The following CNTNAP2 variants were observed in gnomAD, a reference collection of about 807,000 sequenced individuals.
CNTNAP2 encodes the protein contactin-associated protein-like 2.
A neutral mutation model predicts 155.2 loss-of-function variants in CNTNAP2; 98 were observed. That is an observed-to-expected ratio of 0.63 (90% CI 0.54 to 0.75). The LOEUF is 0.75. Ranked by LOEUF, CNTNAP2 falls within the 30% of genes least tolerant of loss-of-function variation. The probability of loss-of-function intolerance (pLI) is 0.00; values close to 1 mark genes in which losing one functional copy is unlikely to be tolerated. For missense variants in CNTNAP2, 1,727 were observed against 1,688.1 expected, an observed-to-expected ratio of 1.02 and a Z score of -0.40; for synonymous variants, 651 against 631.2, an observed-to-expected ratio of 1.03 and a Z score of -0.47.
At chr7:146,191,382 C>T (rs944709927) in intron 1 of CNTNAP2, among the ~76,000 whole-genome samples, 14 of 152,094 alleles carry the variant, frequency 9.2e-5, no homozygotes, top group African/African-American at 3.4e-4. Flanking sequence ...TAAAATATCA[C>T]AAGGCAAATG....
intron 18 of CNTNAP2, among the ~76,000 whole-genome samples, chr7:148,202,779 G>A (rs547824451): frequency 2.0e-5 from 3 of 152,276 alleles, no homozygotes; most frequent in South Asian, 4.1e-4. Flanking sequence ...TACACACATC[G>A]TGTGTGCATG....
At chr7:147,049,702 G>T (rs1799436663) in intron 4 of CNTNAP2, among the ~76,000 whole-genome samples, 1 of 152,130 alleles carries the variant, frequency 6.6e-6, no homozygotes. Flanking sequence ...GTGTACCTGG[G>T]ATCTATCTTA....
At chr7:146,937,151 G>A (rs1270586464) in intron 3 of CNTNAP2, among the ~76,000 whole-genome samples, 1 of 151,880 alleles carries the variant, frequency 6.6e-6, no homozygotes, top group Non-Finnish European at 1.5e-5. Flanking sequence ...ACTTTGGGAG[G>A]CCAAGGCAGG....
intron 12 of CNTNAP2, among the ~76,000 whole-genome samples, chr7:147,566,449 G>A (rs1241040132): frequency 7.2e-5 from 11 of 151,952 alleles, no homozygotes; most frequent in Non-Finnish European, 1.5e-4. Context: ...TTCTCACACT[G>A]CTATGAAGAA....
intron 1 of CNTNAP2, among the ~76,000 whole-genome samples, chr7:146,587,444 G>T (rs1285407001): frequency 1.3e-5 from 2 of 152,122 alleles, no homozygotes; most frequent in African/African-American, 2.4e-5. Context: ...TAAAGACTAG[G>T]TGTAGGGCTG....
intron 15 of CNTNAP2, among the ~76,000 whole-genome samples, chr7:148,051,528 G>A (rs907264313): frequency 6.6e-6 from 1 of 151,882 alleles, no homozygotes; most frequent in African/African-American, 2.4e-5. Context: ...TGCAAGAATA[G>A]GCAGAAGGAT....
At chr7:147,172,951 A>G (rs143871651) in intron 8 of CNTNAP2, among the ~76,000 whole-genome samples, 1 of 152,282 alleles carries the variant, frequency 6.6e-6, no homozygotes, top group African/African-American at 2.4e-5. Context: ...TCACAGAAAG[A>G]CAAATCAAGA....
intron 13 of CNTNAP2, among the ~76,000 whole-genome samples, chr7:147,862,547 G>A (rs903858332): frequency 6.6e-6 from 1 of 152,056 alleles, no homozygotes; most frequent in Non-Finnish European, 1.5e-5. Context: ...TAGGGTTGAG[G>A]TTCTTCAGCT....
rs189589154 is a variant in CNTNAP2 at position 146,570,498 on chromosome 7, G to A, written c.98-203773G>A. ...TGTACTAAGGACAAAATGAATATTA[G>A]GCCTTAGACATTTTTATGTGACATC... On this transcript the variant is annotated intron_variant, in intron 1 of 23. Coordinates refer to ENST00000361727, the MANE Select transcript of CNTNAP2 (RefSeq NM_014141.6). Among the ~76,000 whole-genome samples, 97 of 152,152 alleles carry A rather than the reference G, an allele frequency of 6.4e-4. 1 individual carries two copies. In the East Asian group the frequency reaches 0.017, roughly 27 times the overall value.
At chr7:147,586,717 G>A (rs1243699815) in intron 12 of CNTNAP2, among the ~76,000 whole-genome samples, 1 of 152,102 alleles carries the variant, frequency 6.6e-6, no homozygotes, top group East Asian at 1.9e-4. Flanking sequence ...GTTGTTCCTT[G>A]CACAAGGGCA....
rs543301309 is a variant in CNTNAP2 at position 146,970,753 on chromosome 7, C to G, written c.403-73154C>G. ...TGTAAATCATGCTGCTATAAAAACA[C>G]ATGCACACGTATGTTTATTGCGGCA... On this transcript the variant is annotated intron_variant, in intron 3 of 23. Transcript: ENST00000361727. Among the ~76,000 whole-genome samples the G allele has an allele frequency of 4.6e-5, 7 of 152,270 alleles. No homozygotes were observed. In the East Asian group the frequency reaches 1.4e-3, roughly 29 times the overall value.
chr7:146,177,769 T>C (rs1798490751), intron 1 of CNTNAP2, among the ~76,000 whole-genome samples: 1 of 152,198 alleles, frequency 6.6e-6, no homozygotes, highest in South Asian at 2.1e-4. Context: ...CTTCCCTCTT[T>C]TGTTATTTAC....
At chr7:146,353,648 TA>T (rs1794954850) in intron 1 of CNTNAP2, among the ~76,000 whole-genome samples, 1 of 152,160 alleles carries the variant, frequency 6.6e-6, no homozygotes, top group South Asian at 2.1e-4. Flanking sequence ...GAAATCCTCT[TA>T]AATAAGAACT....
intron 1 of CNTNAP2, among the ~76,000 whole-genome samples, chr7:146,254,295 A>G (rs182362894): frequency 5.3e-5 from 8 of 152,308 alleles, no homozygotes; most frequent in South Asian, 2.1e-4. Context: ...CAATCCATCA[A>G]TAAGGATAGC....
At chr7:147,934,890 A>C (rs1327522395) in intron 14 of CNTNAP2, among the ~76,000 whole-genome samples, 2 of 152,228 alleles carry the variant, frequency 1.3e-5, no homozygotes, top group African/African-American at 4.8e-5. Context: ...CAGATTTTTA[A>C]CTTATCCAGT....
intron 9 of CNTNAP2, among the ~76,000 whole-genome samples, chr7:147,388,978 C>G (rs1375780138): frequency 1.3e-5 from 2 of 152,180 alleles, no homozygotes; most frequent in Non-Finnish European, 2.9e-5. Flanking sequence ...TGTAACCAAT[C>G]TCCCAGCCAC....
chr7:146,912,823 A>G (rs1008546898), intron 3 of CNTNAP2, among the ~76,000 whole-genome samples: 4 of 152,172 alleles, frequency 2.6e-5, no homozygotes, highest in African/African-American at 9.7e-5. Flanking sequence ...TACTGTGCTA[A>G]TGACTTTTCT....
intron 1 of CNTNAP2, among the ~76,000 whole-genome samples, chr7:146,418,654 T>C (rs1281760197): frequency 6.6e-6 from 1 of 152,184 alleles, no homozygotes; most frequent in African/African-American, 2.4e-5. Context: ...CCTTCTTTGG[T>C]ACATTCTTTC....
intron 3 of CNTNAP2, among the ~76,000 whole-genome samples, chr7:147,009,282 AT>A (rs1382618210): frequency 6.6e-6 from 1 of 152,076 alleles, no homozygotes; most frequent in African/African-American, 2.4e-5. Flanking sequence ...TAATCATCCG[AT>A]TTTTCCCCAT....
Sources: gnomAD v4.1 joint callset for allele counts (sites outside exome capture counted in the v4.1 genomes callset) on GRCh38, gnomAD v4.1.1 for gene constraint, MANE v1.5 for transcripts, NCBI Gene and HGNC (gene_info 2026-07-23, HGNC 2026-07-21) for gene names.